C12orf42: variants seen among roughly 807,000 people sequenced by gnomAD.
C12orf42 encodes uncharacterized protein C12orf42.
Under a neutral mutation model 21.6 loss-of-function variants are expected in C12orf42, and 25 were observed. The observed-to-expected ratio is 1.16, with a 90% CI of 0.84 to 1.62. The LOEUF (loss-of-function observed/expected upper bound fraction) is 1.62. C12orf42 is among the 40% of genes most tolerant of loss of function. The pLI is 0.00. For synonymous variants in C12orf42, 174 were observed against 175.0 expected (o/e 0.99, Z 0.05); for missense variants, 483 against 459.3 (o/e 1.05, Z -0.47).
the C12orf42 span, among the ~76,000 whole-genome samples, chr12:103,541,141 C>A: frequency 5.9e-5 from 9 of 152,180 alleles, no homozygotes; most frequent in African/African-American, 1.9e-4. Flanking sequence ...TGAGCTCAGG[C>A]AATTCACCAG....
Position 103,403,182 on chromosome 12 carries a change from T to C in C12orf42, c.79-1507A>G, listed in dbSNP as rs188800849. ...CGAGGTCAGGAGATCGAGACCACCCTGGCTAACACGGTGAAACCCCGTCTC... is the reference window on the plus strand; with the variant it reads ...CGAGGTCAGGAGATCGAGACCACCCCGGCTAACACGGTGAAACCCCGTCTC... On this transcript the variant is annotated intron_variant, in intron 2 of 5. Transcript: ENST00000548883. 9.9e-3 allele frequency among the ~76,000 whole-genome samples: 1,513 copies of C among 152,130 alleles called. 133 individuals are homozygous for C. The East Asian group carries it at 0.2, about 20-fold the overall frequency.
downstream of C12orf42, among the ~76,000 whole-genome samples, chr12:103,299,548 G>T (rs1272326271): frequency 6.6e-6 from 1 of 152,050 alleles, no homozygotes; most frequent in Non-Finnish European, 1.5e-5. Context: ...ACAGTGTGTG[G>T]TAATACAACA....
At chr12:103,194,388 C>T in the C12orf42 span, among the ~76,000 whole-genome samples, 3 of 152,022 alleles carry the variant, frequency 2.0e-5, no homozygotes, top group Admixed American at 1.3e-4. Context: ...ATTACCTTTG[C>T]TTGAAAATGA....
downstream of C12orf42, among the ~76,000 whole-genome samples, chr12:103,298,039 T>C (rs2037416320): frequency 6.6e-6 from 1 of 151,862 alleles, no homozygotes; most frequent in Non-Finnish European, 1.5e-5. Flanking sequence ...CTTTGAAAAC[T>C]GGCACAAAAC....
At chr12:103,389,869 T>A (rs1387748744) in intron 3 of C12orf42, among the ~76,000 whole-genome samples, 2 of 152,218 alleles carry the variant, frequency 1.3e-5, no homozygotes, top group African/African-American at 2.4e-5. Context: ...GCCTTGTACC[T>A]TAGATCTCTC....
chr12:103,260,510 G>A (rs1428706178), intron 10 of C12orf42, among the ~76,000 whole-genome samples: 1 of 152,170 alleles, frequency 6.6e-6, no homozygotes, highest in Non-Finnish European at 1.5e-5. Context: ...CTTAAGTAAT[G>A]GTTTTGTACT....
the C12orf42 span, among the ~76,000 whole-genome samples, chr12:103,512,624 C>A: frequency 6.6e-6 from 1 of 152,102 alleles, no homozygotes; most frequent in Non-Finnish European, 1.5e-5. Context: ...AGAAAAAGAA[C>A]ATGACCCATA....
intron 4 of C12orf42, among the ~76,000 whole-genome samples, chr12:103,294,393 GAAA>G (rs2037017485): frequency 1.0e-5 from 1 of 96,616 alleles, no homozygotes; most frequent in Admixed American, 1.1e-4. Flanking sequence ...AGAAGAAAAA[GAAA>G]GAAAGAAAGA....
rs2037132991 is a variant in C12orf42 at position 103,294,649 on chromosome 12, G to GAAA, written n.338-17440_338-17439insTTT. Reference sequence around the variant, plus strand: ...GAAAGAAAGAAAGAAGGAAAAGAAAGAGAAAGAAAGAAAGAAGGAAAAAAC... The same window carrying GAAA: ...GAAAGAAAGAAAGAAGGAAAAGAAAGAAAAGAAAGAAAGAAAGAAGGAAAAAAC... On this transcript the variant is annotated intron_variant and non_coding_transcript_variant, in intron 4 of 6. Transcript: ENST00000546526. 4.2e-5 allele frequency among the ~76,000 whole-genome samples: 6 copies of GAAA among 143,412 alleles called. No homozygotes were observed. The East Asian group carries it at 1.1e-3, about 25-fold the overall frequency. The allele number at this position is 143,412 out of a possible 152,430, so 94.1% of individuals were successfully genotyped here.
chr12:103,555,539 GC>G, the C12orf42 span, among the ~76,000 whole-genome samples: 1 of 152,046 alleles, frequency 6.6e-6, no homozygotes, highest in Non-Finnish European at 1.5e-5. Flanking sequence ...TTTTCACCAA[GC>G]CCCCAGGGCC....
chr12:103,354,694 C>T (rs571557935), intron 4 of C12orf42, among the ~76,000 whole-genome samples: 5 of 152,172 alleles, frequency 3.3e-5, no homozygotes, highest in African/African-American at 1.2e-4. Context: ...CATTCTATTA[C>T]ACGGTAGGGT....
intron 2 of C12orf42, among the ~76,000 whole-genome samples, chr12:103,465,521 G>C (rs1245478573): frequency 1.3e-5 from 2 of 152,046 alleles, no homozygotes; most frequent in Non-Finnish European, 2.9e-5. Context: ...GAGTTTTCTA[G>C]ATACAGGATC....
chr12:103,450,957 C>T (rs1232131007), intron 2 of C12orf42, among the ~76,000 whole-genome samples: 1 of 152,056 alleles, frequency 6.6e-6, no homozygotes, highest in South Asian at 2.1e-4. Flanking sequence ...ACTTCCTGGA[C>T]CTTTTATACA....
intron 3 of C12orf42, among the ~76,000 whole-genome samples, chr12:103,390,361 C>T (rs10778241): frequency 0.6 from 91,293 of 151,990 alleles, 28,484 homozygotes; most frequent in Admixed American, 0.71. Context: ...ACGGATATTA[C>T]GTACATACAC....
chr12:103,289,172 G>C (rs2036645567), intron 4 of C12orf42, among the ~76,000 whole-genome samples: 1 of 152,106 alleles, frequency 6.6e-6, no homozygotes, highest in South Asian at 2.1e-4. Context: ...CTGAAGAGAA[G>C]TCCTCTAATT....
intron 3 of C12orf42, among the ~76,000 whole-genome samples, chr12:103,396,106 A>G (rs1050218344): frequency 6.6e-6 from 1 of 151,614 alleles, no homozygotes; most frequent in African/African-American, 2.4e-5. Flanking sequence ...TAGTTATAAC[A>G]TAATAGTTGA....
At chr12:103,528,688 C>T in the C12orf42 span, among the ~76,000 whole-genome samples, 1 of 152,166 alleles carries the variant, frequency 6.6e-6, no homozygotes, top group African/African-American at 2.4e-5. Context: ...ACCAGATGCC[C>T]AATCTAGAAC....
chr12:103,439,678 C>G (rs1951044538), intron 2 of C12orf42, among the ~76,000 whole-genome samples: 1 of 151,750 alleles, frequency 6.6e-6, no homozygotes, highest in Non-Finnish European at 1.5e-5. Context: ...CACTGGCCAT[C>G]AGAGAAATGC....
chr12:103,372,522 T>C (rs938732342), intron 3 of C12orf42, among the ~76,000 whole-genome samples: 4 of 152,070 alleles, frequency 2.6e-5, no homozygotes, highest in African/African-American at 9.7e-5. Context: ...CCTGGGAGCT[T>C]GTTAGTTATG....
Sources: allele counts gnomAD v4.1 joint callset (sites outside exome capture counted in the v4.1 genomes callset), GRCh38; gene constraint gnomAD v4.1.1; transcripts MANE v1.5; gene names NCBI Gene and HGNC (gene_info 2026-07-23, HGNC 2026-07-21).